The following PRKN variants were observed in gnomAD, a reference collection of about 807,000 sequenced individuals.
The protein encoded by PRKN is E3 ubiquitin-protein ligase parkin.
Under a neutral mutation model 59.5 loss-of-function variants are expected in PRKN, and 56 were observed. That is an observed-to-expected ratio of 0.94 (90% CI 0.76 to 1.18). The LOEUF is 1.18. PRKN is among the 50% of genes most tolerant of loss of function. The probability of loss-of-function intolerance (pLI) is 0.00; values close to 1 mark genes in which losing one functional copy is unlikely to be tolerated. For synonymous variants in PRKN, 250 were observed against 222.1 expected (o/e 1.13, Z -1.12); for missense variants, 657 against 596.4 (o/e 1.10, Z -1.06).
chr6:162,697,328 G>T (rs1232073090), intron 1 of PRKN, among the ~76,000 whole-genome samples: 1 of 151,998 alleles, frequency 6.6e-6, no homozygotes, highest in Non-Finnish European at 1.5e-5. Flanking sequence ...ATAACTCACA[G>T]GTTTGAGATT....
In PRKN at chr6:162,701,323, T is replaced by C. The variant is rs182014096; in HGVS notation, c.7+26339A>G. On this transcript the variant is annotated intron_variant, in intron 1 of 11. Transcript: ENST00000366898. Reference sequence around the variant, plus strand: ...TTCTGTAAAAGACCTTAAATAACTATTGCACAAGAAGATAAGAATTAAAAT... The same window carrying C: ...TTCTGTAAAAGACCTTAAATAACTACTGCACAAGAAGATAAGAATTAAAAT... Among the ~76,000 whole-genome samples, 3 of 152,184 alleles carry C rather than the reference T, an allele frequency of 2.0e-5. No homozygotes were observed. The East Asian group carries it at 5.8e-4, about 29-fold the overall frequency.
intron 2 of PRKN, among the ~76,000 whole-genome samples, chr6:162,384,453 G>A (rs886350720): frequency 2.6e-4 from 40 of 151,894 alleles, no homozygotes; most frequent in African/African-American, 9.7e-4. Context: ...ACCTTGTAAG[G>A]GAGCAGTTCA....
At chr6:161,557,983 G>C (rs1484265076) in intron 8 of PRKN, among the ~76,000 whole-genome samples, 1 of 152,106 alleles carries the variant, frequency 6.6e-6, no homozygotes, top group African/African-American at 2.4e-5. Context: ...CCCTCCCTGG[G>C]CTTCTCCCTC....
intron 1 of PRKN, among the ~76,000 whole-genome samples, chr6:162,490,453 C>T (rs1347967624): frequency 1.3e-5 from 2 of 152,044 alleles, no homozygotes; most frequent in Non-Finnish European, 2.9e-5. Context: ...GTCAGTGCAA[C>T]AAAAAATAAC....
chr6:162,506,220 C>A (rs189662418), intron 1 of PRKN, among the ~76,000 whole-genome samples: 1 of 90,806 alleles, frequency 1.1e-5, no homozygotes, highest in Non-Finnish European at 2.1e-5. Context: ...ATATCACTGA[C>A]AACAGAACCC....
chr6:162,152,757 T>C (rs577416672), intron 4 of PRKN, among the ~76,000 whole-genome samples: 2 of 152,172 alleles, frequency 1.3e-5, no homozygotes, highest in South Asian at 2.1e-4. Context: ...AAAAATGATA[T>C]AGACTCAACT....
At chr6:162,304,971 C>G (rs1045529912) in intron 2 of PRKN, among the ~76,000 whole-genome samples, 2 of 152,168 alleles carry the variant, frequency 1.3e-5, no homozygotes, top group African/African-American at 4.8e-5. Context: ...CACTCCCAAC[C>G]CATCTATAGG....
intron 2 of PRKN, among the ~76,000 whole-genome samples, chr6:162,305,761 A>G (rs1782194209): frequency 1.3e-5 from 2 of 152,158 alleles, no homozygotes; most frequent in Admixed American, 1.3e-4. Context: ...AAGTATTATT[A>G]TCTGTCACAA....
intron 2 of PRKN, among the ~76,000 whole-genome samples, chr6:162,387,068 A>T (rs1562722442): frequency 6.6e-6 from 1 of 152,104 alleles, no homozygotes; most frequent in East Asian, 1.9e-4. Flanking sequence ...TTATTTATTT[A>T]TTTTTAAGTT....
At chr6:162,163,133 T>C (rs1782829563) in intron 4 of PRKN, among the ~76,000 whole-genome samples, 1 of 149,552 alleles carries the variant, frequency 6.7e-6, no homozygotes, top group South Asian at 2.1e-4. Flanking sequence ...TAAAGTGCTA[T>C]GAATGCCTAG....
rs1218110333 is a variant in PRKN, at chr6:161,410,378, TG to T, written c.1084-23502del. Among the ~76,000 whole-genome samples the T allele has an allele frequency of 3.3e-5, 5 of 152,150 alleles. No individual in the cohort carries two copies. Among genetic ancestry groups the T allele is most frequent in the Non-Finnish European group, 7.3e-5 (5 of 68,030 alleles). On this transcript the variant is annotated intron_variant, in intron 9 of 11. Transcript: ENST00000366898. This position sits in a 1 kb window ranked among gnomAD's most constrained non-coding sequence, Gnocchi z 5.3. ...GCCCAGCTCTTTTTCAGTCCTTTCC[TG>T]GCCTGGGGGAAGCACGTACAATCCC...
rs1490420967 is a variant in PRKN at position 162,711,416 on chromosome 6, T to C, written c.7+16246A>G. On this transcript the variant is annotated intron_variant, in intron 1 of 11. Coordinates refer to ENST00000366898, the MANE Select transcript of PRKN (RefSeq NM_004562.3). ...GAATCAAGCTGTTGGTCAAAACTGC[T>C]ATTTAAAAAAAAAAAAAAACCAGGA... Among the ~76,000 whole-genome samples, 5 of 39,394 alleles carry C rather than the reference T, an allele frequency of 1.3e-4. No homozygotes were observed. The East Asian group carries it at 6.3e-3, about 49-fold the overall frequency. 25.8% of individuals were successfully genotyped at this position (39,394 alleles called of 152,430 possible). A position where few individuals can be genotyped will look rare whatever the true frequency, so the allele number is the denominator to read the frequency against.
At chr6:162,100,949 G>T (rs984006628) in intron 4 of PRKN, among the ~76,000 whole-genome samples, 1 of 152,004 alleles carries the variant, frequency 6.6e-6, no homozygotes, top group African/African-American at 2.4e-5. Context: ...TAACTATTGA[G>T]TTTTTGAGTT....
chr6:162,121,012 A>C (rs1461986767), intron 4 of PRKN, among the ~76,000 whole-genome samples: 3 of 152,222 alleles, frequency 2.0e-5, no homozygotes, highest in Non-Finnish European at 1.5e-5. Flanking sequence ...AGCTCCTGGC[A>C]TCTGGCAGTT....
At chr6:162,613,155 T>C (rs1359517081) in intron 1 of PRKN, among the ~76,000 whole-genome samples, 3 of 152,184 alleles carry the variant, frequency 2.0e-5, no homozygotes, top group African/African-American at 7.2e-5. Context: ...GTTTGTAGCA[T>C]TTGGACTAAA....
At chr6:162,673,866 G>A (rs181326828) in intron 1 of PRKN, among the ~76,000 whole-genome samples, 15 of 152,304 alleles carry the variant, frequency 9.8e-5, no homozygotes, top group Admixed American at 7.8e-4. Flanking sequence ...AGGCGGCAGT[G>A]TTTAAAATGT....
chr6:162,726,082 CAG>C (rs1201848290), intron 1 of PRKN, among the ~76,000 whole-genome samples: 3 of 152,114 alleles, frequency 2.0e-5, no homozygotes, highest in African/African-American at 7.2e-5. Flanking sequence ...TAAAACTAAA[CAG>C]AACTGTCCAA....
At chr6:161,625,579 A>G (rs1285057001) in intron 7 of PRKN, among the ~76,000 whole-genome samples, 2 of 152,196 alleles carry the variant, frequency 1.3e-5, no homozygotes, top group African/African-American at 2.4e-5. Context: ...AAATCAATAA[A>G]AAATAAAGTA....
intron 1 of PRKN, among the ~76,000 whole-genome samples, chr6:162,698,761 T>C (rs1778055565): frequency 6.6e-6 from 1 of 152,228 alleles, no homozygotes; most frequent in Non-Finnish European, 1.5e-5. Flanking sequence ...TTGTGATATG[T>C]CCAGGTTTTT....
Sources: allele counts gnomAD v4.1 joint callset (sites outside exome capture counted in the v4.1 genomes callset), GRCh38; gene constraint gnomAD v4.1.1; non-coding constraint Gnocchi (gnomAD v3.1); transcripts MANE v1.5; gene names NCBI Gene and HGNC (gene_info 2026-07-23, HGNC 2026-07-21).